Variants in GNAS observed in about 807,000 individuals in gnomAD.
The protein encoded by GNAS is GNAS complex locus.
Under a neutral mutation model 54.5 loss-of-function variants are expected in GNAS, and 8 were observed. The observed-to-expected ratio is 0.15, with a 90% CI of 0.09 to 0.26. The LOEUF (loss-of-function observed/expected upper bound fraction) is 0.26. GNAS is among the 10% of genes least tolerant of loss of function. The pLI is 1.00. For synonymous variants in GNAS, 204 were observed against 191.4 expected, an observed-to-expected ratio of 1.07 and a Z score of -0.54; for missense variants, 170 against 529.8, an observed-to-expected ratio of 0.32 and a Z score of 6.67.
upstream of GNAS, chr20:58,889,561 C>G: frequency 6.5e-6 from 1 of 154,402 alleles, no homozygotes; most frequent in East Asian, 1.9e-4. Context: ...TAAACAGACT[C>G]CTGCCATCCG....
intron 1 of GNAS, chr20:58,850,908 A>T (rs2145540372): frequency 2.5e-6 from 1 of 398,414 alleles, no homozygotes; most frequent in South Asian, 1.3e-4. Flanking sequence ...CCCCTATTGG[A>T]CCTCCCACCC....
At chr20:58,878,917 G>T (rs1332204122) in intron 1 of GNAS, among the ~76,000 whole-genome samples, 4 of 151,100 alleles carry the variant, frequency 2.6e-5, no homozygotes, top group Admixed American at 2.0e-4. Flanking sequence ...GCGGGTGGGG[G>T]GGGGAGGGAG....
chr20:58,853,964 T>C lies in GNAS; in HGVS notation c.43+13078T>C. On this transcript the variant is annotated intron_variant, in intron 1 of 12. Transcript: ENST00000306090. This position sits in a 1 kb window ranked among gnomAD's most constrained non-coding sequence, Gnocchi z 4.4. ...CATTTGAGCTTGATGGAGAAGGATTTGGGGACGACAGCCCACCCCCGGGGC... is the reference window on the plus strand; with the variant it reads ...CATTTGAGCTTGATGGAGAAGGATTCGGGGACGACAGCCCACCCCCGGGGC... 1 of 1,612,310 alleles carries C rather than the reference T, an allele frequency of 6.2e-7. No individual in the cohort carries two copies. Among genetic ancestry groups the C allele is most frequent in the Non-Finnish European group, 8.5e-7 (1 of 1,179,756 alleles).
chr20:58,855,531 T>C (rs1169506282), intron 1 of GNAS: 2 of 723,116 alleles, frequency 2.8e-6, no homozygotes, highest in East Asian at 2.7e-5. Context: ...TGGATTCGGG[T>C]GGCCGAAGTA....
intron 1 of GNAS, among the ~76,000 whole-genome samples, chr20:58,848,559 G>A (rs1367703480): frequency 1.3e-5 from 2 of 152,132 alleles, no homozygotes; most frequent in Admixed American, 6.5e-5. Context: ...AAAAAGCCCC[G>A]GCAAGGTTAG....
chr20:58,875,547 C>T (rs1482322745), intron 1 of GNAS, among the ~76,000 whole-genome samples: 2 of 152,218 alleles, frequency 1.3e-5, no homozygotes, highest in Non-Finnish European at 2.9e-5. Context: ...TTTCCCAACC[C>T]AAGTCTATGG....
chr20:58,903,295 G>A (rs2090795995), intron 3 of GNAS: 2 of 618,648 alleles, frequency 3.2e-6, no homozygotes, highest in Non-Finnish European at 5.8e-6. Context: ...GTACAGTCAT[G>A]ATTGCTAAGG....
At chr20:58,903,952 T>A (rs144280602) in intron 5 of GNAS, among the ~76,000 whole-genome samples, 161 bp downstream of exon 5, 1 of 152,312 alleles carries the variant, frequency 6.6e-6, no homozygotes, top group Non-Finnish European at 1.5e-5. Flanking sequence ...AAAAGTTAAT[T>A]TCATGTGTAA....
chr20:58,850,388 T>A (rs548248646), intron 1 of GNAS: 7 of 396,482 alleles, frequency 1.8e-5, no homozygotes, highest in Middle Eastern at 6.3e-4. Flanking sequence ...CACAGACCCA[T>A]GAGGGTGTCG....
At position 58,870,250 on chromosome 20, in the gene GNAS, A is replaced by T. The variant is rs146185946; in HGVS notation, c.44-25362A>T. Among the ~76,000 whole-genome samples the T allele has an allele frequency of 2.8e-4, 42 of 152,372 alleles. No individual in the cohort carries two copies. The East Asian group carries it at 8.1e-3, about 29-fold the overall frequency. ...TTTAAAAAATTTTCTTTTACTTGAT[A>T]ACTTTCCTACAACATGATTCTCTTA... On this transcript the variant is annotated intron_variant, in intron 1 of 12. Transcript: ENST00000306090.
At chr20:58,908,470 A>G (rs1348124442) in intron 6 of GNAS, among the ~76,000 whole-genome samples, 1 of 151,892 alleles carries the variant, frequency 6.6e-6, no homozygotes, top group East Asian at 1.9e-4. Context: ...TCTTTAATCA[A>G]TGAGATTCTT....
At chr20:58,897,420 G>A (rs2090166694) in intron 2 of GNAS, 1 of 152,140 alleles carries the variant, frequency 6.6e-6, no homozygotes, top group Non-Finnish European at 1.5e-5. Context: ...ATTTGACCAT[G>A]TATCCTCTAG....
intron 1 of GNAS, among the ~76,000 whole-genome samples, chr20:58,871,613 G>GAAAAAAAAAAAAAAAAAAAAA (rs757702769): frequency 3.1e-5 from 1 of 32,732 alleles, no homozygotes; most frequent in Non-Finnish European, 7.1e-5. Context: ...ATACTCCGTC[G>GAAAAAAAAAAAAAAAAAAAAA]AAAAAAAAAA....
In GNAS at chr20:58,910,178, A is replaced by C. The variant is rs958072274; in HGVS notation, c.970+97A>C. The C allele has an allele frequency of 4.4e-6, 6 of 1,378,372 alleles. No individual in the cohort carries two copies. Among genetic ancestry groups the C allele is most frequent in the Non-Finnish European group, 6.2e-6 (6 of 965,316 alleles). The allele number at this position is 1,378,372 out of a possible 1,614,324, so 85.4% of individuals were successfully genotyped here. On this transcript the variant is annotated intron_variant, in intron 11 of 12. Transcript: ENST00000371085. This position sits in a 1 kb window ranked among gnomAD's most constrained non-coding sequence, Gnocchi z 5.8. ...CCCATCCCCCTCCCACCACCAAACC[A>C]TAAAGGATCTATAAGAGAAGCAAGA... is the stretch of plus-strand genomic sequence containing the variant.
intron 1 of GNAS, chr20:58,854,575 C>T (rs1376506169): frequency 6.4e-7 from 1 of 1,562,406 alleles, no homozygotes; most frequent in Non-Finnish European, 8.6e-7. Flanking sequence ...GCCCCTGCCG[C>T]CCCAGCCGAT....
upstream of GNAS, among the ~76,000 whole-genome samples, chr20:58,890,027 C>T (rs1299817820): frequency 1.3e-5 from 2 of 151,612 alleles, no homozygotes; most frequent in East Asian, 3.9e-4. Context: ...CGCGGAAGAG[C>T]GGGGACCCCG....
chr20:58,883,791 A>G (rs765210518), intron 1 of GNAS, among the ~76,000 whole-genome samples: 1 of 151,076 alleles, frequency 6.6e-6, no homozygotes, highest in Non-Finnish European at 1.5e-5. Flanking sequence ...TGGGAAGGAG[A>G]GTTAGAGCCT....
At position 58,853,198 on chromosome 20, in the gene GNAS, A is replaced by T; in HGVS notation, c.43+12312A>T. The T allele has an allele frequency of 6.8e-7, 1 of 1,461,154 alleles. No homozygotes were observed. Among genetic ancestry groups the T allele is most frequent in the Non-Finnish European group, 9.1e-7 (1 of 1,104,952 alleles). The allele number at this position is 1,461,154 out of a possible 1,614,324, so 90.5% of individuals were successfully genotyped here. A position where few individuals can be genotyped will look rare whatever the true frequency, so the allele number is the denominator to read the frequency against. ...TTAAAATAATAATAATAATTTTTTC[A>T]CCCTAGTTCGGTTGGGTGCTCCATC... is the stretch of plus-strand genomic sequence containing the variant. On this transcript the variant is annotated intron_variant, in intron 1 of 12. Coordinates refer to the GNAS transcript ENST00000306090. The surrounding 1 kb of genome is among the most constrained non-coding windows in gnomAD (Gnocchi z 4.4).
upstream of GNAS, chr20:58,840,052 G>A (rs532186771): frequency 6.3e-7 from 1 of 1,593,024 alleles, no homozygotes; most frequent in East Asian, 2.2e-5. The surrounding 1 kb of genome is among the most constrained non-coding windows in gnomAD (Gnocchi z 6.0). Flanking sequence ...GTGCTTCGGA[G>A]CCACTCTCTG....
Sources: gnomAD v4.1 joint callset for allele counts (sites outside exome capture counted in the v4.1 genomes callset) on GRCh38, gnomAD v4.1.1 for gene constraint, Gnocchi (gnomAD v3.1) non-coding constraint, MANE v1.5 for transcripts, NCBI Gene and HGNC (gene_info 2026-07-23, HGNC 2026-07-21) for gene names.